RERE: variants seen among roughly 807,000 people sequenced by gnomAD.
RERE encodes the protein arginine-glutamic acid dipeptide repeats protein.
In RERE, 40 loss-of-function variants were observed where a neutral mutation model predicts 146.1. The observed-to-expected ratio is 0.27, with a 90% CI of 0.21 to 0.36. RERE has a LOEUF of 0.36. RERE is among the 10% of genes least tolerant of loss of function. The probability of loss-of-function intolerance (pLI) is 1.00; values close to 1 mark genes in which losing one functional copy is unlikely to be tolerated. For missense variants in RERE, 1,933 were observed against 2,138.7 expected, an observed-to-expected ratio of 0.90 and a Z score of 1.90; for synonymous variants, 1,003 against 866.0, an observed-to-expected ratio of 1.16 and a Z score of -2.78.
chr1:8,429,781 CTGA>C (rs1012396579), intron 11 of RERE: 5 of 152,588 alleles, frequency 3.3e-5, no homozygotes, highest in African/African-American at 4.8e-5. Flanking sequence ...CTGTTTTACC[CTGA>C]TTTCTGCACA....
At chr1:8,419,807 G>T (rs1009798649) in intron 12 of RERE, among the ~76,000 whole-genome samples, 2 of 152,216 alleles carry the variant, frequency 1.3e-5, no homozygotes, top group African/African-American at 4.8e-5. Flanking sequence ...CAAGTAAGTA[G>T]CAGAGAAGGC....
intron 1 of RERE, among the ~76,000 whole-genome samples, chr1:8,755,502 A>C (rs1286101890): frequency 6.6e-6 from 1 of 152,244 alleles, no homozygotes; most frequent in African/African-American, 2.4e-5. Context: ...AAATTTGTAT[A>C]CAAAATGTCA....
intron 7 of RERE, among the ~76,000 whole-genome samples, chr1:8,539,445 G>T (rs1049827455): frequency 8.0e-5 from 12 of 150,704 alleles, no homozygotes; most frequent in African/African-American, 2.9e-4. Flanking sequence ...TTGCTCTGTT[G>T]CCCAGGCTGA....
chr1:8,646,848 G>A (rs955498932), intron 2 of RERE, among the ~76,000 whole-genome samples: 4 of 152,150 alleles, frequency 2.6e-5, no homozygotes, highest in Non-Finnish European at 5.9e-5. Context: ...AGGCTGGGTG[G>A]AGTGGCTCAT....
At chr1:8,422,614 C>T (rs934963579) in intron 12 of RERE, 113 bp downstream of exon 12, 4 of 743,028 alleles carry the variant, frequency 5.4e-6, no homozygotes, top group African/African-American at 3.5e-5. Context: ...GAGGCCAGCC[C>T]GAGTCTGAGC....
intron 8 of RERE, among the ~76,000 whole-genome samples, chr1:8,498,270 A>C (rs546270194): frequency 2.6e-5 from 4 of 152,336 alleles, no homozygotes; most frequent in African/African-American, 9.6e-5. Flanking sequence ...GAGGCAGAGA[A>C]CTGCTTAAAC....
intron 8 of RERE, among the ~76,000 whole-genome samples, chr1:8,502,562 C>T (rs999932485): frequency 1.5e-4 from 22 of 145,452 alleles, no homozygotes; most frequent in African/African-American, 4.9e-4. Flanking sequence ...CCCCTCTGCC[C>T]GGCCACGACC....
At chr1:8,479,839 T>C (rs1249207429) in intron 10 of RERE, among the ~76,000 whole-genome samples, 1 of 152,152 alleles carries the variant, frequency 6.6e-6, no homozygotes, top group Admixed American at 6.5e-5. Context: ...TACACTAACC[T>C]TCAAAAACTG....
At chr1:8,574,124 T>C (rs1315486165) in intron 4 of RERE, among the ~76,000 whole-genome samples, 1 of 152,150 alleles carries the variant, frequency 6.6e-6, no homozygotes, top group Non-Finnish European at 1.5e-5. Flanking sequence ...GTATTTCCAT[T>C]AATAATTCAC....
chr1:8,618,608 T>A (rs1646883287), intron 3 of RERE, among the ~76,000 whole-genome samples: 3 of 152,186 alleles, frequency 2.0e-5, no homozygotes, highest in African/African-American at 7.2e-5. Flanking sequence ...CTGTGCTAAG[T>A]GGTAACAGCC....
At position 8,551,606 on chromosome 1, in the gene RERE, ATACTTT is replaced by A. The variant is rs1645936855; in HGVS notation, c.725+4863_725+4868del. On this transcript the variant is annotated intron_variant, in intron 6 of 22. Coordinates refer to ENST00000400908, the MANE Select transcript of RERE (RefSeq NM_001042681.2). ...TTTCACTTTTTCTTTTCTTCCACTT[ATACTTT>A]TAAGAACTCAGCAGAAATTCAATGA... Among the ~76,000 whole-genome samples the A allele has an allele frequency of 2.0e-5, 3 of 152,308 alleles. No homozygotes were observed. The South Asian group carries it at 6.2e-4, about 32-fold the overall frequency.
intron 1 of RERE, among the ~76,000 whole-genome samples, chr1:8,727,461 T>G (rs963866745): frequency 6.6e-6 from 1 of 151,922 alleles, no homozygotes; most frequent in Admixed American, 6.6e-5. Flanking sequence ...TATTAAAACA[T>G]ACAATATTTC....
chr1:8,443,182 G>A (rs301818), intron 11 of RERE, among the ~76,000 whole-genome samples: 41,336 of 152,184 alleles, frequency 0.27, 6,086 homozygotes, highest in Non-Finnish European at 0.33. Flanking sequence ...AAAGCTTTTG[G>A]TTGGGCGTGG....
intron 12 of RERE, among the ~76,000 whole-genome samples, chr1:8,409,992 T>TC (rs1643568220): frequency 6.7e-6 from 1 of 150,346 alleles, no homozygotes; most frequent in Non-Finnish European, 1.5e-5. Flanking sequence ...TTTTTTTTTT[T>TC]TTTTTTTACT....
intron 1 of RERE, chr1:8,751,193 A>G (rs1157111992): frequency 2.1e-5 from 5 of 239,474 alleles, no homozygotes; most frequent in African/African-American, 4.6e-5. Context: ...CAATCTCTCA[A>G]TAACTCTGAA....
At chr1:8,671,032 T>C (rs543699351) in intron 1 of RERE, among the ~76,000 whole-genome samples, 3 of 152,300 alleles carry the variant, frequency 2.0e-5, no homozygotes, top group Admixed American at 6.5e-5. Context: ...ACTACAGTCA[T>C]TTACTGACAT....
chr1:8,805,013 T>G lies in RERE; in HGVS notation c.-145+12147A>C, dbSNP rs56037038. ...TTTGTTTTGTTTTGTTTTTGGTTTT[T>G]TTTTTTTTTTTTTTTGAGACAGAGT... On this transcript the variant is annotated intron_variant, in intron 1 of 22. Transcript: ENST00000400908. 6.8e-3 allele frequency among the ~76,000 whole-genome samples: 950 copies of G among 140,028 alleles called. 18 individuals are homozygous for G. Among genetic ancestry groups the G allele is most frequent in the South Asian group, 0.02 (85 of 4,286 alleles). 91.9% of individuals were successfully genotyped at this position (140,028 alleles called of 152,430 possible). A position where few individuals can be genotyped will look rare whatever the true frequency, so the allele number is the denominator to read the frequency against.
intron 12 of RERE, among the ~76,000 whole-genome samples, chr1:8,366,565 A>G (rs1220225521): frequency 2.0e-5 from 3 of 152,168 alleles, no homozygotes; most frequent in Non-Finnish European, 1.5e-5. Flanking sequence ...ACTGCTCCAC[A>G]GCCTCCACCT....
intron 17 of RERE, 64 bp downstream of exon 17, chr1:8,361,699 C>T (rs772204512): frequency 3.8e-5 from 55 of 1,466,286 alleles, no homozygotes; most frequent in African/African-American, 7.0e-5. Flanking sequence ...CTAGGGAGAA[C>T]CCCGGCTGGG....
Sources: allele counts gnomAD v4.1 joint callset (sites outside exome capture counted in the v4.1 genomes callset), GRCh38; gene constraint gnomAD v4.1.1; transcripts MANE v1.5; gene names NCBI Gene and HGNC (gene_info 2026-07-23, HGNC 2026-07-21).